The following INPPL1 variants were observed in gnomAD, a reference collection of about 807,000 sequenced individuals.
INPPL1 encodes the protein inositol polyphosphate phosphatase like 1, also known as phosphatidylinositol 3,4,5-trisphosphate 5-phosphatase 2.
Under a neutral mutation model 139.3 loss-of-function variants are expected in INPPL1, and 91 were observed. The ratio of observed to expected loss-of-function variants is 0.65; its 90% CI spans 0.55 to 0.78. The LOEUF (loss-of-function observed/expected upper bound fraction) is 0.78, where lower values mean the gene tolerates loss of function less well. Ranked by LOEUF, INPPL1 falls within the 30% of genes least tolerant of loss-of-function variation. The probability of loss-of-function intolerance (pLI) is 0.00; values close to 1 mark genes in which losing one functional copy is unlikely to be tolerated. For synonymous variants in INPPL1, 719 were observed against 686.6 expected (o/e 1.05, Z -0.74); for missense variants, 1,411 against 1,665.6 (o/e 0.85, Z 2.66).
chr11:72,238,844 C>T lies in INPPL1; in HGVS notation c.*491C>T, dbSNP rs976975636. 6.5e-6 allele frequency: 1 copy of T among 152,768 alleles called. No homozygotes were observed. The highest frequency in any genetic ancestry group is 1.5e-5 in the Non-Finnish European group (1 of 68,184). 9.5% of individuals were successfully genotyped at this position (152,768 alleles called of 1,614,324 possible). A position where few individuals can be genotyped will look rare whatever the true frequency, so the allele number is the denominator to read the frequency against. The stretch of plus-strand genomic sequence containing the variant: ...CGGGCTGGGGTTTATTTAAACTGTT[C>T]TGTGTGGGTCTGGGGAGGGAGAGCA... On this transcript the variant is annotated 3_prime_UTR_variant, in exon 28 of 28. Coordinates refer to ENST00000298229, the MANE Select transcript of INPPL1 (RefSeq NM_001567.4).
At position 72,229,247 on chromosome 11, in the gene INPPL1, GC is replaced by G. The variant is rs771629808; in HGVS notation, c.659+21del. On this transcript the variant is annotated intron_variant, in intron 5 of 27. Transcript: ENST00000298229. ...GCTGCACAGGTATCTGGGACATCCAGCCCCATGTATTACACCCTTACCTCTG... is the reference window on the plus strand; with the variant it reads ...GCTGCACAGGTATCTGGGACATCCAGCCCATGTATTACACCCTTACCTCTG... 162 of 1,595,754 alleles carry G rather than the reference GC, an allele frequency of 1.0e-4. 1 individual carries two copies. In the African/African-American group the frequency reaches 1.9e-3, roughly 18 times the overall value.
chr11:72,231,316 C>T, intron 12 of INPPL1, 127 bp downstream of exon 12: 1 of 1,035,244 alleles, frequency 9.7e-7, no homozygotes. Context: ...TGAGCATATC[C>T]TTTGGGAGAT....
At chr11:72,224,303 G>A (rs182061749), upstream of INPPL1, among the ~76,000 whole-genome samples, 1 of 151,676 alleles carries the variant, frequency 6.6e-6, no homozygotes, top group African/African-American at 2.4e-5. Flanking sequence ...CAGGAGTTGG[G>A]GGCCCCGCCC....
rs752800096 is a variant in INPPL1, at chr11:72,235,810, A to G, written c.2739-36A>G. 6.2e-7 allele frequency: 1 copy of G among 1,613,178 alleles called. No homozygotes were observed. ...AAGGGTACCTGGGGGCATCTGGTCA[A>G]CCCCACTTCATCTCTCTCCTGTGCA... On this transcript the variant is annotated intron_variant, in intron 24 of 27. Transcript: ENST00000298229. The surrounding 1 kb of genome is among the most constrained non-coding windows in gnomAD (Gnocchi z 4.9).
chr11:72,231,315 C>A, intron 12 of INPPL1, 126 bp downstream of exon 12: 2 of 1,032,932 alleles, frequency 1.9e-6, no homozygotes, highest in Non-Finnish European at 2.9e-6. Flanking sequence ...CTGAGCATAT[C>A]CTTTGGGAGA....
chr11:72,234,716 A>AGC lies in INPPL1; in HGVS notation c.2415+102_2415+103insCG. The AGC allele has an allele frequency of 4.2e-6, 2 of 481,634 alleles. No homozygotes were observed. Among genetic ancestry groups the AGC allele is most frequent in the Non-Finnish European group, 7.3e-6 (2 of 272,366 alleles). The allele number at this position is 481,634 out of a possible 1,614,324, so 29.8% of individuals were successfully genotyped here. On this transcript the variant is annotated intron_variant, in intron 21 of 27. Transcript: ENST00000298229. The surrounding 1 kb of genome is among the most constrained non-coding windows in gnomAD (Gnocchi z 4.2). ...GCCTGGGAGGGAGTGTGGGGCCAGC[A>AGC]GAGAGAGAGAGAGAGAGTGTGTGTG...
chr11:72,227,442 ACACT>A (rs981571337), intron 1 of INPPL1, among the ~76,000 whole-genome samples: 20 of 152,334 alleles, frequency 1.3e-4, no homozygotes, highest in Non-Finnish European at 2.1e-4. Flanking sequence ...CTGGTGACAG[ACACT>A]CACCCAGCAT....
chr11:72,238,230 C>T (rs778027219), intron 27 of INPPL1, 33 bp from the exon 28 acceptor site: 1 of 1,613,632 alleles, frequency 6.2e-7, no homozygotes, highest in Admixed American at 1.7e-5. Flanking sequence ...ATCCCCTTGC[C>T]CATCTCACTT....
intron 25 of INPPL1, among the ~76,000 whole-genome samples, chr11:72,236,499 T>C (rs1268503124): frequency 3.9e-5 from 6 of 152,248 alleles, no homozygotes; most frequent in Non-Finnish European, 5.9e-5. Flanking sequence ...CTGTTTAATA[T>C]AGTTTCCCAA....
chr11:72,225,654 G>C (rs1284265286), intron 1 of INPPL1: 1 of 380,824 alleles, frequency 2.6e-6, no homozygotes, highest in Admixed American at 6.4e-5. Flanking sequence ...GTGTATGGGT[G>C]GTGGGGGCGG....
At chr11:72,225,957 C>T (rs929692958) in intron 1 of INPPL1, among the ~76,000 whole-genome samples, 1 of 152,150 alleles carries the variant, frequency 6.6e-6, no homozygotes, top group African/African-American at 2.4e-5. Context: ...CGGCTTTGTA[C>T]CTCCTGCCCT....
At position 72,234,519 on chromosome 11, in the gene INPPL1, C is replaced by A. The variant is rs1357457840; in HGVS notation, c.2327-8C>A. 3.1e-6 allele frequency: 5 copies of A among 1,605,544 alleles called. No individual in the cohort carries two copies. The highest frequency in any genetic ancestry group is 1.1e-5 in the South Asian group (1 of 90,924). On this transcript the variant is annotated splice_region_variant and splice_polypyrimidine_tract_variant and intron_variant, in intron 20 of 27. Transcript: ENST00000298229. The surrounding 1 kb of genome is among the most constrained non-coding windows in gnomAD (Gnocchi z 4.2). ...TGCTCAGTTGGGTGTCTCCCACCCC[C>A]ACCCCAGAATACAAGAAGAGCTTTG...
At position 72,237,223 on chromosome 11, in the gene INPPL1, G is replaced by A. The variant is rs140390051; in HGVS notation, c.2979G>A (p.Pro993=). 3.0e-5 allele frequency: 48 copies of A among 1,613,898 alleles called. No homozygotes were observed. The African/African-American group carries it at 3.9e-4, about 13-fold the overall frequency. The change falls in exon 26 of 28, where the codon CCG becomes CCA. Residue 993 remains proline, a synonymous_variant. Transcript: ENST00000298229. The part of the protein sequence containing the change: ...NPAYYVLEGV[P]HQLLPPEPPS... ...CCTACTACGTCCTTGAAGGGGTCCC[G>A]CACCAGCTGCTGCCCCCGGAGCCAC...
At chr11:72,227,342 G>C (rs1343483938) in intron 1 of INPPL1, among the ~76,000 whole-genome samples, 2 of 152,142 alleles carry the variant, frequency 1.3e-5, no homozygotes, top group African/African-American at 4.8e-5. Context: ...TAGGACACTG[G>C]GTACCCAGCG....
rs763181115 is a variant in INPPL1, at chr11:72,237,723, C to T, written c.3479C>T (p.Ser1160Leu). The change falls in exon 26 of 28, where the codon TCG becomes TTG. Residue 1160 changes from serine (S) to leucine (L), a missense_variant. Physicochemically the swap from Ser to Leu is moderately radical, Grantham distance 145 (BLOSUM62 -2). Around this residue, in one of 5 missense-constraint regions of INPPL1, gnomAD observed 438 missense variants for 425.7 expected, o/e 1.03. Transcript: ENST00000298229. ...CTGCAGCCCCCCCGGGGACTGCCCT[C>T]GGACTATGGCCGGCCCCTCAGCTTC... ...LELQPPRGLP[S>L]DYGRPLSFPP... 1.7e-5 allele frequency: 27 copies of T among 1,611,696 alleles called. No individual in the cohort carries two copies. The South Asian group carries it at 2.2e-4, about 13-fold the overall frequency.
chr11:72,229,475 A>AAGGTCCTGTCAGGCCTGG lies in INPPL1; in HGVS notation c.673_690dup (p.Val225_Glu230dup). 6.2e-7 allele frequency: 1 copy of AAGGTCCTGTCAGGCCTGG among 1,614,092 alleles called. No individual in the cohort carries two copies. Among genetic ancestry groups the AAGGTCCTGTCAGGCCTGG allele is most frequent in the Non-Finnish European group, 8.5e-7 (1 of 1,179,966 alleles). ...TGATGTCTTCCCTAGTGAGGTGGAC[A>AAGGTCCTGTCAGGCCTGG]AGGTCCTGTCAGGCCTGGAGATCCT... is the stretch of plus-strand genomic sequence containing the variant. On this transcript the variant is annotated inframe_insertion, in exon 6 of 28. Transcript: ENST00000298229.
In INPPL1 at chr11:72,234,309, CA is replaced by C; in HGVS notation, c.2242del (p.Ile748LeufsTer10). ...GLSKTSDQAY[I>X]EFESIEAIVK... Reference sequence around the variant, plus strand: ...TCTCAAAGACTTCAGACCAGGCCTACATTGAGTTTGAGAGCATCGAGGCCAT... The same window carrying C: ...TCTCAAAGACTTCAGACCAGGCCTACTTGAGTTTGAGAGCATCGAGGCCAT... On this transcript the variant is annotated frameshift_variant, in exon 20 of 28. Transcript: ENST00000298229. LOFTEE classifies it high-confidence loss of function. This position sits in a 1 kb window ranked among gnomAD's most constrained non-coding sequence, Gnocchi z 4.2. The C allele has an allele frequency of 6.2e-7, 1 of 1,614,058 alleles. No individual in the cohort carries two copies. The highest frequency in any genetic ancestry group is 8.5e-7 in the Non-Finnish European group (1 of 1,179,950).
chr11:72,234,874 A>G lies in INPPL1; in HGVS notation c.2416-242A>G, dbSNP rs1259442426. On this transcript the variant is annotated intron_variant, in intron 21 of 27. Transcript: ENST00000298229. The surrounding 1 kb of genome is among the most constrained non-coding windows in gnomAD (Gnocchi z 4.2). ...GAGATGCTTCTTGAGCTTTTGCTAGATGTCAGGTCCTGTGTTAGCTATTGA... is the reference window on the plus strand; with the variant it reads ...GAGATGCTTCTTGAGCTTTTGCTAGGTGTCAGGTCCTGTGTTAGCTATTGA... Among the ~76,000 whole-genome samples, 4 of 152,050 alleles carry G rather than the reference A, an allele frequency of 2.6e-5. No homozygotes were observed. Among genetic ancestry groups the G allele is most frequent in the Admixed American group, 6.5e-5 (1 of 15,274 alleles).
At position 72,235,287 on chromosome 11, in the gene INPPL1, GCTC is replaced by G. The variant is rs752980663; in HGVS notation, c.2504-5_2504-3del. 1 of 1,613,982 alleles carries G rather than the reference GCTC, an allele frequency of 6.2e-7. No homozygotes were observed. Among genetic ancestry groups the G allele is most frequent in the South Asian group, 1.1e-5 (1 of 91,068 alleles). ...GGTAATTTGCTGGTTTGTCCCATCTGCTCCTCAGGGGAGTGTGTGGTTGCACTC... is the reference window on the plus strand; with the variant it reads ...GGTAATTTGCTGGTTTGTCCCATCTGCTCAGGGGAGTGTGTGGTTGCACTC... On this transcript the variant is annotated splice_polypyrimidine_tract_variant and splice_region_variant and intron_variant, in intron 22 of 27. Transcript: ENST00000298229. This position sits in a 1 kb window ranked among gnomAD's most constrained non-coding sequence, Gnocchi z 4.9.
Sources: gnomAD v4.1 joint callset for allele counts (sites outside exome capture counted in the v4.1 genomes callset) on GRCh38, gnomAD v4.1.1 for gene constraint, gnomAD v4.1.1 regional missense constraint, Gnocchi (gnomAD v3.1) non-coding constraint, MANE v1.5 for transcripts, NCBI Gene and HGNC (gene_info 2026-07-23, HGNC 2026-07-21) for gene names.